PHF21B: variants seen among roughly 807,000 people sequenced by gnomAD.
PHF21B encodes the protein PHD finger protein 21B.
A neutral mutation model predicts 62.2 loss-of-function variants in PHF21B; 22 were observed. The ratio of observed to expected loss-of-function variants is 0.35; its 90% CI spans 0.25 to 0.51. PHF21B has a LOEUF of 0.51. PHF21B is among the 20% of genes least tolerant of loss of function. The pLI, the probability that PHF21B is intolerant of heterozygous loss-of-function variation, is 0.97. For synonymous variants in PHF21B, 341 were observed against 314.7 expected, an observed-to-expected ratio of 1.08 and a Z score of -0.88; for missense variants, 701 against 707.9, an observed-to-expected ratio of 0.99 and a Z score of 0.11.
chr22:44,929,871 G>A (rs1399407731), intron 2 of PHF21B, among the ~76,000 whole-genome samples: 1 of 152,232 alleles, frequency 6.6e-6, no homozygotes, highest in Non-Finnish European at 1.5e-5. Context: ...CCGGGCTGGA[G>A]GGAGGGGAGG....
At chr22:44,932,899 T>A (rs188059532) in intron 2 of PHF21B, among the ~76,000 whole-genome samples, 3 of 151,996 alleles carry the variant, frequency 2.0e-5, no homozygotes, top group African/African-American at 7.2e-5. Context: ...GCTCACTGGA[T>A]TTGACAAACA....
chr22:44,885,919 C>A lies in PHF21B; in HGVS notation c.1217G>T (p.Gly406Val). ...CQQKALKKDE[G>V]VPWTGMLAIV... ...GGCCAGCATCCCAGTCCAGGGCACACCCTCGTCTTTCTTTAAGGCCTGGGG... is the reference window on the plus strand; with the variant it reads ...GGCCAGCATCCCAGTCCAGGGCACAACCTCGTCTTTCTTTAAGGCCTGGGG... Residue 406 changes from glycine (G) to valine (V), a missense_variant, in exon 11 of 13, where the codon GGT becomes GTT. Transcript: ENST00000313237. 2.5e-6 allele frequency: 4 copies of A among 1,614,108 alleles called. No individual in the cohort carries two copies. The highest frequency in any genetic ancestry group is 3.4e-6 in the Non-Finnish European group (4 of 1,179,994).
chr22:44,885,105 G>T (rs1352683807), intron 12 of PHF21B, among the ~76,000 whole-genome samples: 3 of 152,266 alleles, frequency 2.0e-5, no homozygotes, highest in Non-Finnish European at 4.4e-5. Flanking sequence ...ATACTGGCTT[G>T]CTGGGGGATG....
At chr22:44,989,234 A>G (rs2147500334) in intron 2 of PHF21B, 1 of 152,214 alleles carries the variant, frequency 6.6e-6, no homozygotes, top group South Asian at 2.1e-4. Context: ...TGTTCCTCAA[A>G]CCCCGGACTC....
rs768650496 is a variant in PHF21B, at chr22:44,920,430, A to G, written c.181T>C (p.Leu61=). The G allele has an allele frequency of 1.4e-5, 23 of 1,612,410 alleles. No homozygotes were observed. Among genetic ancestry groups the G allele is most frequent in the African/African-American group, 4.0e-5 (3 of 74,874 alleles). The change falls in exon 3 of 13, where the codon TTG becomes CTG. Residue 61 remains leucine, a synonymous_variant. Transcript: ENST00000313237. ...AGCACTGCCGCTCCTTGCCCGGCCA[A>G]CCTCTGCAAGGAGCTGACCTGAGGA... ...TGPQVSSLQR[L]AGQGAAVLPQ...
In PHF21B at chr22:44,888,070, G is replaced by A. The variant is rs1159223107; in HGVS notation, c.1090C>T (p.Leu364=). 4.5e-6 allele frequency: 7 copies of A among 1,549,546 alleles called. No homozygotes were observed. Among genetic ancestry groups the A allele is most frequent in the Non-Finnish European group, 5.2e-6 (6 of 1,147,150 alleles). Residue 364 remains leucine, a synonymous_variant, in exon 10 of 13, where the codon CTG becomes TTG. Coordinates refer to ENST00000313237, the MANE Select transcript of PHF21B (RefSeq NM_138415.5). Reference sequence around the variant, plus strand: ...CCCGGGCAGGTGCCGCAGGGCTGCAGGTTGGCCCCTCGCTTGCAGGCGGCA... The same window carrying A: ...CCCGGGCAGGTGCCGCAGGGCTGCAAGTTGGCCCCTCGCTTGCAGGCGGCA... ...HCAACKRGAN[L]QPCGTCPGAY... is the part of the protein sequence containing the mutation.
At chr22:44,949,524 A>G (rs2072151676) in intron 2 of PHF21B, among the ~76,000 whole-genome samples, 1 of 152,138 alleles carries the variant, frequency 6.6e-6, no homozygotes, top group Non-Finnish European at 1.5e-5. Context: ...TTCTTCCCTG[A>G]AGTGACAGAT....
At chr22:44,980,719 G>A (rs1359587756) in intron 2 of PHF21B, among the ~76,000 whole-genome samples, 4 of 152,094 alleles carry the variant, frequency 2.6e-5, no homozygotes, top group African/African-American at 9.7e-5. Flanking sequence ...GCTGACACCT[G>A]TGTCTCTTCC....
At chr22:44,970,966 C>G (rs747663767) in intron 2 of PHF21B, 1 of 152,208 alleles carries the variant, frequency 6.6e-6, no homozygotes, top group Non-Finnish European at 1.5e-5. Context: ...AGGATGAGAT[C>G]AGCTTAGCAC....
In PHF21B at chr22:44,941,315, T is replaced by C. The variant is rs540103375; in HGVS notation, c.121-20825A>G. On this transcript the variant is annotated intron_variant, in intron 2 of 12. Coordinates refer to ENST00000313237, the MANE Select transcript of PHF21B (RefSeq NM_138415.5). ...CACCGCGCCATGCCGCACCACCAGC[T>C]CTCAGCGGGGACTTCGGGGGCTGTG... 2.6e-5 allele frequency among the ~76,000 whole-genome samples: 4 copies of C among 152,252 alleles called. No homozygotes were observed. In the East Asian group the frequency reaches 5.8e-4, roughly 22 times the overall value.
At chr22:44,940,121 G>A (rs1056492573) in intron 2 of PHF21B, among the ~76,000 whole-genome samples, 3 of 152,168 alleles carry the variant, frequency 2.0e-5, no homozygotes, top group Non-Finnish European at 4.4e-5. Context: ...GTGAAATGCA[G>A]AAGTGCTTAA....
intron 12 of PHF21B, among the ~76,000 whole-genome samples, chr22:44,884,036 GATCAGCACC>G (rs1456491907): frequency 1.2e-5 from 1 of 86,190 alleles, no homozygotes; most frequent in Non-Finnish European, 2.7e-5. Context: ...CCATCACTGT[GATCAGCACC>G]ACCACCACCA....
At chr22:44,906,370 G>A (rs567316631) in intron 5 of PHF21B, among the ~76,000 whole-genome samples, 26 of 152,310 alleles carry the variant, frequency 1.7e-4, no homozygotes, top group Admixed American at 9.1e-4. Context: ...GCAGGGAGAC[G>A]GGCCAGGGTC....
chr22:44,923,389 T>C (rs762394665), intron 2 of PHF21B, among the ~76,000 whole-genome samples: 8 of 145,382 alleles, frequency 5.5e-5, no homozygotes, highest in African/African-American at 7.6e-5. Context: ...ACCAAAACTA[T>C]AAAACTGCTC....
chr22:44,958,598 ATTTTTTTTTTTT>A (rs59943293), intron 2 of PHF21B, among the ~76,000 whole-genome samples: 10 of 75,888 alleles, frequency 1.3e-4, no homozygotes, highest in Non-Finnish European at 2.0e-4. Flanking sequence ...CCTTCCTTTG[ATTTTTTTTTTTT>A]TTTTTTTTTT....
chr22:44,888,077 C>T lies in PHF21B; in HGVS notation c.1083G>A (p.Gly361=). The change falls in exon 10 of 13, where the codon GGG becomes GGA. Residue 361 remains glycine (G), a synonymous_variant. Transcript: ENST00000313237. Reference sequence around the variant, plus strand: ...AGGTGCCGCAGGGCTGCAGGTTGGCCCCTCGCTTGCAGGCGGCACAGTGCT... The same window carrying T: ...AGGTGCCGCAGGGCTGCAGGTTGGCTCCTCGCTTGCAGGCGGCACAGTGCT... The part of the protein sequence containing the change: ...HDEHCAACKR[G]ANLQPCGTCP... 6.5e-7 allele frequency: 1 copy of T among 1,548,070 alleles called. No homozygotes were observed. The highest frequency in any genetic ancestry group is 1.4e-5 in the African/African-American group (1 of 73,252).
chr22:44,987,537 G>C (rs1000427555), intron 2 of PHF21B, among the ~76,000 whole-genome samples: 1 of 152,154 alleles, frequency 6.6e-6, no homozygotes, highest in Non-Finnish European at 1.5e-5. Flanking sequence ...AAACTAACAA[G>C]GGTCCAACGT....
At chr22:44,887,369 C>T (rs6007368) in intron 10 of PHF21B, among the ~76,000 whole-genome samples, 6,730 of 152,156 alleles carry the variant, frequency 0.044, 418 homozygotes, top group African/African-American at 0.15. Flanking sequence ...GCTGTAAAGC[C>T]TGTTTTTTAT....
At chr22:44,951,071 C>T (rs2072183975) in intron 2 of PHF21B, among the ~76,000 whole-genome samples, 2 of 152,132 alleles carry the variant, frequency 1.3e-5, no homozygotes, top group Admixed American at 1.3e-4. Context: ...TCACTTGCCA[C>T]TATAAAGCCT....
Sources: gnomAD v4.1 joint callset for allele counts (sites outside exome capture counted in the v4.1 genomes callset) on GRCh38, gnomAD v4.1.1 for gene constraint, MANE v1.5 for transcripts, NCBI Gene and HGNC (gene_info 2026-07-23, HGNC 2026-07-21) for gene names.